Variants in DLC1 observed in about 807,000 individuals in gnomAD.
DLC1 encodes the protein DLC1 Rho GTPase activating protein, also known as rho GTPase-activating protein 7.
Under a neutral mutation model 140.3 loss-of-function variants are expected in DLC1, and 54 were observed. The ratio of observed to expected loss-of-function variants is 0.38; its 90% confidence interval spans 0.31 to 0.48. DLC1 has a LOEUF of 0.48. Ranked by LOEUF, DLC1 falls within the 20% of genes least tolerant of loss-of-function variation. DLC1 has a pLI of 0.96. For missense variants in DLC1, 2,536 were observed against 1,907.0 expected, an observed-to-expected ratio of 1.33 and a Z score of -6.14; for synonymous variants, 986 against 728.1, an observed-to-expected ratio of 1.35 and a Z score of -5.70.
chr8:13,165,325 C>G (rs1306721719), intron 5 of DLC1, among the ~76,000 whole-genome samples: 6 of 152,066 alleles, frequency 3.9e-5, no homozygotes, highest in African/African-American at 1.4e-4. Context: ...AGGTAAGTGG[C>G]CTACTTCAGA....
intron 7 of DLC1, among the ~76,000 whole-genome samples, chr8:13,106,632 C>T (rs539990866): frequency 5.9e-5 from 9 of 152,206 alleles, no homozygotes; most frequent in South Asian, 2.1e-4. Flanking sequence ...CCACTGTGCC[C>T]GGCTACGTGC....
At chr8:13,534,690 G>A (rs904187917) in intron 1 of DLC1, among the ~76,000 whole-genome samples, 1 of 152,136 alleles carries the variant, frequency 6.6e-6, no homozygotes, top group African/African-American at 2.4e-5. Context: ...CCTGTCATTC[G>A]CGTGGCCAGA....
At chr8:13,348,181 G>C (rs1455599887) in intron 4 of DLC1, among the ~76,000 whole-genome samples, 3 of 152,196 alleles carry the variant, frequency 2.0e-5, no homozygotes, top group African/African-American at 7.2e-5. Context: ...GTGTATATGT[G>C]GAGGGAGAGA....
intron 1 of DLC1, chr8:13,567,297 A>G (rs1804477940): frequency 6.4e-7 from 1 of 1,551,666 alleles, no homozygotes; most frequent in Admixed American, 2.0e-5. Flanking sequence ...AACGGCACCA[A>G]CCAGACACCA....
At chr8:13,471,190 T>A (rs900291754) in intron 2 of DLC1, among the ~76,000 whole-genome samples, 1 of 151,904 alleles carries the variant, frequency 6.6e-6, no homozygotes, top group Non-Finnish European at 1.5e-5. Flanking sequence ...GTACAAAGTT[T>A]TAATTAGTCT....
In DLC1 at chr8:13,401,436, C is replaced by T. The variant is rs777099508; in HGVS notation, c.1173+34G>A. On this transcript the variant is annotated intron_variant, in intron 3 of 17. Coordinates refer to ENST00000276297, the MANE Select transcript of DLC1 (RefSeq NM_182643.3). ...TGTATAAGGTCAAGAGTTACGACTC[C>T]TATGGGAAAAGAAGTAGAAAGTGGA... 91 of 1,608,612 alleles carry T rather than the reference C, an allele frequency of 5.7e-5. 1 individual carries two copies. The highest frequency in any genetic ancestry group is 7.0e-5 in the Non-Finnish European group (83 of 1,178,264).
intron 3 of DLC1, among the ~76,000 whole-genome samples, chr8:13,394,709 A>T (rs1836936417): frequency 6.6e-6 from 1 of 151,798 alleles, no homozygotes; most frequent in African/African-American, 2.4e-5. Context: ...CCGCACCCCA[A>T]CTCTCCAGTC....
intron 10 of DLC1, 110 bp from the exon 11 acceptor site, chr8:13,095,355 C>A: frequency 7.5e-7 from 1 of 1,337,718 alleles, no homozygotes; most frequent in Non-Finnish European, 1.0e-6. Context: ...TGTGCTAATA[C>A]GGTGGCTACT....
At chr8:13,408,221 T>C (rs576086620) in intron 2 of DLC1, among the ~76,000 whole-genome samples, 1 of 152,324 alleles carries the variant, frequency 6.6e-6, no homozygotes, top group African/African-American at 2.4e-5. Flanking sequence ...TATTATCTTT[T>C]ATTAATAATA....
intron 5 of DLC1, among the ~76,000 whole-genome samples, chr8:13,203,795 T>C (rs1476906699): frequency 6.6e-6 from 1 of 152,210 alleles, no homozygotes; most frequent in Non-Finnish European, 1.5e-5. Context: ...AAAAACCTTT[T>C]GGGAAACAGA....
At chr8:13,296,907 G>T (rs549164391) in intron 5 of DLC1, among the ~76,000 whole-genome samples, 3 of 151,998 alleles carry the variant, frequency 2.0e-5, no homozygotes, top group South Asian at 2.1e-4. Flanking sequence ...TGTCATCTAC[G>T]TGTGTTGCTT....
At chr8:13,215,384 G>C (rs1033310751) in intron 5 of DLC1, among the ~76,000 whole-genome samples, 1 of 152,120 alleles carries the variant, frequency 6.6e-6, no homozygotes, top group African/African-American at 2.4e-5. Flanking sequence ...TCAGGAGTTT[G>C]AGACCAGCCT....
chr8:13,102,161 C>G (rs1434402791), intron 8 of DLC1, among the ~76,000 whole-genome samples: 1 of 152,132 alleles, frequency 6.6e-6, no homozygotes. Flanking sequence ...CCTGTTTACT[C>G]TAATTTGTGA....
intron 1 of DLC1, among the ~76,000 whole-genome samples, chr8:13,601,613 CAA>C (rs1805885434): frequency 6.8e-6 from 1 of 148,130 alleles, no homozygotes; most frequent in African/African-American, 2.5e-5. Context: ...GCTAACTTGT[CAA>C]AGAGTCCAGT....
chr8:13,421,274 C>T (rs980009605), intron 2 of DLC1, among the ~76,000 whole-genome samples: 5 of 152,090 alleles, frequency 3.3e-5, no homozygotes, highest in African/African-American at 4.8e-5. Flanking sequence ...TCTCCTCAAG[C>T]AGTTTTTAAA....
At chr8:13,387,656 T>C (rs2117189291) in intron 4 of DLC1, among the ~76,000 whole-genome samples, 1 of 152,192 alleles carries the variant, frequency 6.6e-6, no homozygotes, top group South Asian at 2.1e-4. Context: ...TGTTTTTGGA[T>C]CAGTTTTATT....
At chr8:13,386,318 A>G (rs1347269501) in intron 4 of DLC1, among the ~76,000 whole-genome samples, 1 of 152,070 alleles carries the variant, frequency 6.6e-6, no homozygotes, top group Non-Finnish European at 1.5e-5. Flanking sequence ...TGCTCCAGAT[A>G]CTTAATTAAC....
At chr8:13,479,883 GAAAGA>G (rs1800634272) in intron 2 of DLC1, among the ~76,000 whole-genome samples, 52 of 88,680 alleles carry the variant, frequency 5.9e-4, no homozygotes, top group South Asian at 1.8e-3. Flanking sequence ...AAGAAAGAAA[GAAAGA>G]AAAAGAAAGA....
intron 5 of DLC1, among the ~76,000 whole-genome samples, chr8:13,195,049 C>A (rs1826971472): frequency 6.6e-6 from 1 of 152,150 alleles, no homozygotes; most frequent in South Asian, 2.1e-4. Context: ...AAACCAAACT[C>A]TCCTTTAAAA....
Sources: gnomAD v4.1 joint callset for allele counts (sites outside exome capture counted in the v4.1 genomes callset) on GRCh38, gnomAD v4.1.1 for gene constraint, MANE v1.5 for transcripts, NCBI Gene and HGNC (gene_info 2026-07-23, HGNC 2026-07-21) for gene names.